Variants in RFK observed in about 807,000 individuals in gnomAD.
The protein encoded by RFK is 0610038L10Rik.
RFK carries 4 observed loss-of-function variants against 17.6 expected under a neutral mutation model. That is an observed-to-expected ratio of 0.23 (90% confidence interval 0.11 to 0.52). The LOEUF is 0.52. Among genes scored for constraint, RFK ranks in the 20% least tolerant of loss-of-function variants. The probability of loss-of-function intolerance (pLI) is 0.96; values close to 1 mark genes in which losing one functional copy is unlikely to be tolerated. For missense variants in RFK, 189 were observed against 187.7 expected, an observed-to-expected ratio of 1.01 and a Z score of -0.04; for synonymous variants, 59 against 63.8, an observed-to-expected ratio of 0.92 and a Z score of 0.36.
In RFK at chr9:76,387,166, T is replaced by C. The variant is rs747485774; in HGVS notation, c.*233A>G. The C allele has an allele frequency of 8.0e-6, 3 of 376,166 alleles. No individual in the cohort carries two copies. Among genetic ancestry groups the C allele is most frequent in the Non-Finnish European group, 1.5e-5 (3 of 206,244 alleles). The allele number at this position is 376,166 out of a possible 1,614,324, so 23.3% of individuals were successfully genotyped here. On this transcript the variant is annotated 3_prime_UTR_variant, in exon 4 of 4. Coordinates refer to ENST00000376736, the MANE Select transcript of RFK (RefSeq NM_018339.6). ...GTAATACCTTTCTAGTGGTACATTT[T>C]AATCAATATATATTTTTTAAATCTT...
chr9:76,389,071 T>C (rs771089665), intron 2 of RFK, among the ~76,000 whole-genome samples: 1 of 152,044 alleles, frequency 6.6e-6, no homozygotes, highest in Non-Finnish European at 1.5e-5. Context: ...ACACACAACA[T>C]GTATGGAAAC....
intron 2 of RFK, among the ~76,000 whole-genome samples, chr9:76,389,150 A>G (rs1436930227): frequency 6.6e-6 from 1 of 152,188 alleles, no homozygotes; most frequent in African/African-American, 2.4e-5. Context: ...TCAGGGAGTA[A>G]AGTGGCAAAA....
chr9:76,389,591 A>C (rs1822789942), intron 2 of RFK, among the ~76,000 whole-genome samples: 1 of 151,958 alleles, frequency 6.6e-6, no homozygotes, highest in Non-Finnish European at 1.5e-5. Flanking sequence ...GGAACCCGGT[A>C]CTCTACTAAA....
chr9:76,387,716 T>C, intron 3 of RFK, 187 bp from the exon 4 acceptor site: 1 of 521,322 alleles, frequency 1.9e-6, no homozygotes, highest in Non-Finnish European at 3.3e-6. Flanking sequence ...GATATGTCCC[T>C]AGGCCGGGGG....
chr9:76,393,991 G>A, intron 1 of RFK, 99 bp downstream of exon 1: 10 of 1,147,534 alleles, frequency 8.7e-6, no homozygotes, highest in Non-Finnish European at 1.1e-5. Context: ...TCTGCCCGCG[G>A]TCCGGAGGCC....
rs1479853073 is a variant in RFK at position 76,385,777 on chromosome 9, A to T, written c.*1622T>A. ...GCAGCAAGTTAGTCAGACAAAACAA[A>T]CACAAATATTTTCACATTTCCTATG... On this transcript the variant is annotated 3_prime_UTR_variant, in exon 4 of 4. Coordinates refer to ENST00000376736, the MANE Select transcript of RFK (RefSeq NM_018339.6). 7.9e-5 allele frequency: 12 copies of T among 152,238 alleles called. No individual in the cohort carries two copies. The highest frequency in any genetic ancestry group is 7.2e-4 in the Admixed American group (11 of 15,284). The allele number at this position is 152,238 out of a possible 1,614,324, so 9.4% of individuals were successfully genotyped here.
In RFK at chr9:76,387,460, A is replaced by C. The variant is rs777639941; in HGVS notation, c.407T>G (p.Leu136Trp). The C allele has an allele frequency of 1.9e-6, 3 of 1,611,886 alleles. No individual in the cohort carries two copies. The highest frequency in any genetic ancestry group is 2.5e-6 in the Non-Finnish European group (3 of 1,179,430). The change falls in exon 4 of 4, where the codon TTG becomes TGG. Residue 136 changes from leucine (L) to tryptophan (W), a missense_variant. Coordinates refer to ENST00000376736, the MANE Select transcript of RFK (RefSeq NM_018339.6). ...AKKRLELPEH[L>W]KIKEDNFFQV... The stretch of plus-strand genomic sequence containing the variant: ...GAAGAAATTGTCTTCTTTGATTTTC[A>C]AATGTTCTGGTAACTCTAGTCGTTT...
Position 76,386,791 on chromosome 9 carries a change from A to G in RFK, c.*608T>C, listed in dbSNP as rs982370781. 2.0e-5 allele frequency: 3 copies of G among 152,166 alleles called. No individual in the cohort carries two copies. The highest frequency in any genetic ancestry group is 4.4e-5 in the Non-Finnish European group (3 of 68,024). 9.4% of individuals were successfully genotyped at this position (152,166 alleles called of 1,614,324 possible). On this transcript the variant is annotated 3_prime_UTR_variant, in exon 4 of 4. Transcript: ENST00000376736. ...CATGTTTGTAATGTATTAATGCACA[A>G]AATATCAAAAATAGAAAGTCTGAGT...
intron 1 of RFK, among the ~76,000 whole-genome samples, 200 bp from the exon 2 acceptor site, chr9:76,392,769 C>T (rs931245545): frequency 3.9e-5 from 6 of 152,064 alleles, no homozygotes. Context: ...GGGATGGTGG[C>T]CTGCACCTAT....
Position 76,394,205 on chromosome 9 carries a change from G to A in RFK, c.-34C>T, listed in dbSNP as rs912943527. 8 of 1,555,476 alleles carry A rather than the reference G, an allele frequency of 5.1e-6. No individual in the cohort carries two copies. Among genetic ancestry groups the A allele is most frequent in the Middle Eastern group, 3.5e-4 (2 of 5,776 alleles). Reference sequence around the variant, plus strand: ...CCGCTCGGGGAATGGGCTGCGGCCCGGTCTGCGCGTCCTGCGGAGCCGCCG... The same window carrying A: ...CCGCTCGGGGAATGGGCTGCGGCCCAGTCTGCGCGTCCTGCGGAGCCGCCG... On this transcript the variant is annotated 5_prime_UTR_variant, in exon 1 of 4. Coordinates refer to ENST00000376736, the MANE Select transcript of RFK (RefSeq NM_018339.6).
At position 76,394,270 on chromosome 9, in the gene RFK, G is replaced by T; in HGVS notation, c.-99C>A. The T allele has an allele frequency of 8.1e-7, 1 of 1,239,040 alleles. No homozygotes were observed. The highest frequency in any genetic ancestry group is 1.5e-5 in the South Asian group (1 of 68,222). The allele number at this position is 1,239,040 out of a possible 1,614,324, so 76.8% of individuals were successfully genotyped here. ...AGACCCCGGACCAGCCGGGGGACAG[G>T]AGCGTGAGCTCTGCCTGCCGCGGGG... On this transcript the variant is annotated 5_prime_UTR_variant, in exon 1 of 4. Transcript: ENST00000376736.
chr9:76,390,172 T>C (rs919191373), intron 2 of RFK, among the ~76,000 whole-genome samples: 4 of 152,082 alleles, frequency 2.6e-5, no homozygotes, highest in Non-Finnish European at 5.9e-5. Flanking sequence ...TCTACATCCA[T>C]ATGGAAAAAA....
chr9:76,393,878 G>C, intron 1 of RFK: 1 of 550,764 alleles, frequency 1.8e-6, no homozygotes, highest in East Asian at 3.2e-5. Context: ...CCTCAACCCC[G>C]TCCCCGCGGA....
At chr9:76,391,921 G>C (rs1822824298) in intron 2 of RFK, among the ~76,000 whole-genome samples, 1 of 140,620 alleles carries the variant, frequency 7.1e-6, no homozygotes, top group African/African-American at 2.6e-5. Flanking sequence ...GGGCAACATA[G>C]TGAGACCCCA....
chr9:76,389,131 G>C (rs1017876628), intron 2 of RFK, among the ~76,000 whole-genome samples: 1 of 152,222 alleles, frequency 6.6e-6, no homozygotes, highest in Non-Finnish European at 1.5e-5. Context: ...AGCCAATGCA[G>C]CTTCCTGATC....
Position 76,392,568 on chromosome 9 carries a change from A to C in RFK, c.84T>G (p.Ala28=). The C allele has an allele frequency of 6.2e-7, 1 of 1,614,104 alleles. No individual in the cohort carries two copies. The highest frequency in any genetic ancestry group is 8.5e-7 in the Non-Finnish European group (1 of 1,179,970). Residue 28 remains alanine, a splice_region_variant and synonymous_variant, in exon 2 of 4, where the codon GCT becomes GCG. Coordinates refer to ENST00000376736, the MANE Select transcript of RFK (RefSeq NM_018339.6). Reference sequence around the variant, plus strand: ...TATCTACCACTTGCTCAGGAAAATTAGCTAAACAACAGAAGAAAATATTTT... The same window carrying C: ...TATCTACCACTTGCTCAGGAAAATTCGCTAAACAACAGAAGAAAATATTTT... ...RGSKQLGIPT[A]NFPEQVVDNL... is the part of the protein sequence containing the mutation.
rs1463649304 is a variant in RFK at position 76,385,977 on chromosome 9, G to C, written c.*1422C>G. The C allele has an allele frequency of 1.3e-5, 2 of 152,148 alleles. No individual in the cohort carries two copies. Among genetic ancestry groups the C allele is most frequent in the Non-Finnish European group, 2.9e-5 (2 of 68,018 alleles). 9.4% of individuals were successfully genotyped at this position (152,148 alleles called of 1,614,324 possible). On this transcript the variant is annotated 3_prime_UTR_variant, in exon 4 of 4. Coordinates refer to ENST00000376736, the MANE Select transcript of RFK (RefSeq NM_018339.6). ...CCAACAGCTTTAGATGTTTTTCTGAGTACTTTTTACACAGAATATTTTTAT... is the reference window on the plus strand; with the variant it reads ...CCAACAGCTTTAGATGTTTTTCTGACTACTTTTTACACAGAATATTTTTAT...
chr9:76,389,755 C>T (rs967546177), intron 2 of RFK, among the ~76,000 whole-genome samples: 7 of 152,002 alleles, frequency 4.6e-5, no homozygotes, highest in Non-Finnish European at 8.8e-5. Flanking sequence ...GGCGACAGAG[C>T]GAAGACTCCA....
chr9:76,394,106 C>T lies in RFK; in HGVS notation c.66G>A (p.Gln22=). Residue 22 remains glutamine (Q), a synonymous_variant, in exon 1 of 4, where the codon CAG becomes CAA. Coordinates refer to ENST00000376736, the MANE Select transcript of RFK (RefSeq NM_018339.6). ...VVRGFGRGSK[Q]LGIPTANFPE... is the part of the protein sequence containing the mutation. ...TGCTCTCACCTGTGGGGATGCCCAG[C>T]TGCTTGGAGCCGCGGCCGAAGCCCC... 6.2e-7 allele frequency: 1 copy of T among 1,608,098 alleles called. No individual in the cohort carries two copies. Among genetic ancestry groups the T allele is most frequent in the Non-Finnish European group, 8.5e-7 (1 of 1,178,296 alleles).
Sources: allele counts gnomAD v4.1 joint callset (sites outside exome capture counted in the v4.1 genomes callset), GRCh38; gene constraint gnomAD v4.1.1; transcripts MANE v1.5; gene names NCBI Gene and HGNC (gene_info 2026-07-23, HGNC 2026-07-21).